The following NXPE2 variants were observed in gnomAD, a reference collection of about 807,000 sequenced individuals.
NXPE2 encodes the protein NXPE family member 2.
A neutral mutation model predicts 34.4 loss-of-function variants in NXPE2; 34 were observed. The observed-to-expected ratio is 0.99, with a 90% confidence interval of 0.75 to 1.31. NXPE2 has a LOEUF of 1.31. Among genes scored for constraint, NXPE2 ranks in the 40% most tolerant of loss-of-function variants. The pLI, the probability that NXPE2 is intolerant of heterozygous loss-of-function variation, is 0.00. For missense variants in NXPE2, 649 were observed against 672.5 expected (o/e 0.97, Z 0.39); for synonymous variants, 235 against 231.3 (o/e 1.02, Z -0.15).
chr11:114,633,274 TTA>T, the NXPE2 span, among the ~76,000 whole-genome samples: 59 of 134,472 alleles, frequency 4.4e-4, no homozygotes, highest in Non-Finnish European at 8.1e-4. Context: ...TTATATAGTA[TTA>T]TGTTATATTA....
chr11:114,553,093 A>G, the NXPE2 span, among the ~76,000 whole-genome samples: 3 of 152,138 alleles, frequency 2.0e-5, no homozygotes, highest in East Asian at 1.9e-4. Flanking sequence ...TTCCTGGTAA[A>G]CTTAGAAAAT....
the NXPE2 span, among the ~76,000 whole-genome samples, chr11:114,470,358 A>G: frequency 6.6e-6 from 1 of 152,168 alleles, no homozygotes; most frequent in Non-Finnish European, 1.5e-5. Context: ...CCAACATTTA[A>G]TATGCTTACT....
chr11:114,605,862 G>A, the NXPE2 span, among the ~76,000 whole-genome samples: 1 of 151,372 alleles, frequency 6.6e-6, no homozygotes, highest in Non-Finnish European at 1.5e-5. Context: ...CTGTTACCTG[G>A]TGGATAATAA....
chr11:114,698,519 C>T lies in NXPE2; in HGVS notation c.607C>T (p.Leu203Phe), dbSNP rs1951304801. The T allele has an allele frequency of 6.2e-7, 1 of 1,614,130 alleles. No individual in the cohort carries two copies. The highest frequency in any genetic ancestry group is 1.3e-5 in the African/African-American group (1 of 75,066). ...CCACCCCAGTGAAGGGGTATCAGCT[C>T]TCTGGAGGGCAAGGAACCAAGGATG... Reference protein sequence around the residue: ...LIHPSEGVSALWRARNQGCDR... With the variant: ...LIHPSEGVSAFWRARNQGCDR... The change falls in exon 3 of 6, where the codon CTC becomes TTC. Residue 203 changes from leucine to phenylalanine, a missense_variant. Coordinates refer to ENST00000389586, the MANE Select transcript of NXPE2 (RefSeq NM_182495.6).
At chr11:114,624,738 A>T in the NXPE2 span, among the ~76,000 whole-genome samples, 2,416 of 147,886 alleles carry the variant, frequency 0.016, 26 homozygotes, top group Non-Finnish European at 0.023. Context: ...TATTGCCTCC[A>T]GGGTAACCAC....
At chr11:114,739,341 C>T in the NXPE2 span, among the ~76,000 whole-genome samples, 2,364 of 31,046 alleles carry the variant, frequency 0.076, 169 homozygotes, top group East Asian at 0.09. Context: ...CCTTCCTTCC[C>T]CCCTTCCTCT....
chr11:114,645,416 A>G, the NXPE2 span, among the ~76,000 whole-genome samples: 1 of 152,238 alleles, frequency 6.6e-6, no homozygotes, highest in Admixed American at 6.5e-5. Flanking sequence ...GGCGAACTTT[A>G]AAATTTCAGG....
the NXPE2 span, chr11:114,530,946 C>G: frequency 6.6e-7 from 1 of 1,525,028 alleles, no homozygotes; most frequent in Non-Finnish European, 8.8e-7. Flanking sequence ...ATGAAATTAA[C>G]CTGTCTAATC....
chr11:114,479,442 A>T, the NXPE2 span, among the ~76,000 whole-genome samples: 1 of 152,078 alleles, frequency 6.6e-6, no homozygotes, highest in Non-Finnish European at 1.5e-5. Flanking sequence ...GTGGAATAGG[A>T]TCTTGTGATT....
chr11:114,792,811 T>C, the NXPE2 span, among the ~76,000 whole-genome samples: 1 of 152,246 alleles, frequency 6.6e-6, no homozygotes, highest in Non-Finnish European at 1.5e-5. Flanking sequence ...TTTACGTATG[T>C]TATCTCATTT....
chr11:114,787,066 C>G, the NXPE2 span, among the ~76,000 whole-genome samples: 1 of 152,190 alleles, frequency 6.6e-6, no homozygotes, highest in Non-Finnish European at 1.5e-5. Flanking sequence ...GCTCCCTGGC[C>G]TCTTCTCCCT....
At chr11:114,560,478 G>T in the NXPE2 span, among the ~76,000 whole-genome samples, 2 of 151,894 alleles carry the variant, frequency 1.3e-5, no homozygotes, top group East Asian at 1.9e-4. Flanking sequence ...TGTTGCCCAG[G>T]CTGGTCTTGA....
chr11:114,605,208 TATTGCCTCGTGGGTA>T, the NXPE2 span, among the ~76,000 whole-genome samples: 1 of 151,842 alleles, frequency 6.6e-6, no homozygotes, highest in Non-Finnish European at 1.5e-5. Flanking sequence ...GGATAATAAG[TATTGCCTCGTGGGTA>T]ACTGCTGTTA....
the NXPE2 span, among the ~76,000 whole-genome samples, chr11:114,591,909 G>A: frequency 6.6e-6 from 1 of 152,020 alleles, no homozygotes; most frequent in Non-Finnish European, 1.5e-5. Context: ...TTGTCAGGTG[G>A]CCCCTTCTCA....
chr11:114,700,205 T>C (rs1348962821), intron 3 of NXPE2, among the ~76,000 whole-genome samples: 1 of 152,206 alleles, frequency 6.6e-6, no homozygotes, highest in Non-Finnish European at 1.5e-5. Flanking sequence ...TAAACAGATT[T>C]GTCTTTTACT....
chr11:114,469,825 T>C, the NXPE2 span, among the ~76,000 whole-genome samples: 1 of 152,216 alleles, frequency 6.6e-6, no homozygotes, highest in East Asian at 1.9e-4. Flanking sequence ...TCGTGCCTGT[T>C]TATAATCCCT....
the NXPE2 span, among the ~76,000 whole-genome samples, chr11:114,792,959 G>T: frequency 1.3e-5 from 2 of 152,104 alleles, no homozygotes; most frequent in South Asian, 4.1e-4. Context: ...AATGTCTGCG[G>T]TAAAAAGGAA....
the NXPE2 span, among the ~76,000 whole-genome samples, chr11:114,490,944 T>C: frequency 2.0e-5 from 3 of 149,756 alleles, no homozygotes; most frequent in African/African-American, 7.4e-5. Context: ...GGGTGGATCA[T>C]GAGGTCAGGA....
chr11:114,690,664 T>C (rs1044391955), intron 2 of NXPE2, among the ~76,000 whole-genome samples: 1 of 152,192 alleles, frequency 6.6e-6, no homozygotes, highest in East Asian at 1.9e-4. Context: ...GGGGACATTT[T>C]CCTATATTCA....
Sources: allele counts gnomAD v4.1 joint callset (sites outside exome capture counted in the v4.1 genomes callset), GRCh38; gene constraint gnomAD v4.1.1; transcripts MANE v1.5; gene names NCBI Gene and HGNC (gene_info 2026-07-23, HGNC 2026-07-21).